Variants in FAM149B1 observed in about 807,000 individuals in gnomAD.
FAM149B1 encodes family with sequence similarity 149 member B1.
A neutral mutation model predicts 75.3 loss-of-function variants in FAM149B1; 56 were observed. The observed-to-expected ratio is 0.74, with a 90% CI of 0.60 to 0.93. FAM149B1 has a LOEUF of 0.93. Among genes scored for constraint, FAM149B1 ranks in the 40% least tolerant of loss-of-function variants. The probability of loss-of-function intolerance (pLI) is 0.00; values close to 1 mark genes in which losing one functional copy is unlikely to be tolerated. For synonymous variants in FAM149B1, 259 were observed against 256.1 expected, an observed-to-expected ratio of 1.01 and a Z score of -0.11; for missense variants, 639 against 708.4, an observed-to-expected ratio of 0.90 and a Z score of 1.11.
intron 7 of FAM149B1, among the ~76,000 whole-genome samples, chr10:73,227,814 G>A (rs2043588707): frequency 6.6e-6 from 1 of 152,206 alleles, no homozygotes; most frequent in Admixed American, 6.5e-5. Flanking sequence ...TAGGACAACT[G>A]TGCCCTAGAG....
chr10:73,204,616 A>G (rs113054309), intron 5 of FAM149B1, among the ~76,000 whole-genome samples: 7,034 of 152,138 alleles, frequency 0.046, 506 homozygotes, highest in African/African-American at 0.15. Flanking sequence ...GTCATCACAT[A>G]TTTACTGAAT....
chr10:73,232,018 C>G (rs1390801857), intron 9 of FAM149B1, among the ~76,000 whole-genome samples: 1 of 151,982 alleles, frequency 6.6e-6, no homozygotes, highest in Non-Finnish European at 1.5e-5. Flanking sequence ...GGGCAGCATC[C>G]CTTCAAAGTC....
intron 2 of FAM149B1, 93 bp from the exon 3 acceptor site, chr10:73,177,753 C>A: frequency 9.1e-7 from 1 of 1,096,918 alleles, no homozygotes; most frequent in Non-Finnish European, 1.3e-6. Context: ...ATGTTAATCA[C>A]CTAGTAAGTT....
chr10:73,187,660 T>TG (rs955284501), intron 3 of FAM149B1, among the ~76,000 whole-genome samples: 7 of 144,744 alleles, frequency 4.8e-5, no homozygotes, highest in African/African-American at 1.8e-4. Context: ...ACCCAGGAGG[T>TG]GGAGGTTGCT....
chr10:73,200,410 T>C lies in FAM149B1; in HGVS notation c.542+6817T>C, dbSNP rs1305707717. On this transcript the variant is annotated intron_variant, in intron 5 of 13. Coordinates refer to ENST00000242505, the MANE Select transcript of FAM149B1 (RefSeq NM_173348.2). The stretch of plus-strand genomic sequence containing the variant: ...GAGATTATATGGGAGCAACCTGTCA[T>C]GCCTGCATTGGTGGAACAAATGTTC... 6.6e-6 allele frequency: 4 copies of C among 603,284 alleles called. No individual in the cohort carries two copies. In the African/African-American group the frequency reaches 7.4e-5, roughly 11 times the overall value. 37.4% of individuals were successfully genotyped at this position (603,284 alleles called of 1,614,324 possible). A position where few individuals can be genotyped will look rare whatever the true frequency, so the allele number is the denominator to read the frequency against.
At chr10:73,230,738 A>C in intron 9 of FAM149B1, 1 of 457,034 alleles carries the variant, frequency 2.2e-6, no homozygotes. Flanking sequence ...AGACCTAACC[A>C]TATGTGGCAT....
chr10:73,219,967 C>G (rs2043373183), intron 7 of FAM149B1, among the ~76,000 whole-genome samples: 1 of 150,690 alleles, frequency 6.6e-6, no homozygotes, highest in South Asian at 2.1e-4. Context: ...GAAAGACAAC[C>G]TGTGAAATGG....
At position 73,168,223 on chromosome 10, in the gene FAM149B1, T is replaced by C. The variant is rs1843532718; in HGVS notation, c.-117T>C. The C allele has an allele frequency of 5.5e-6, 6 of 1,087,460 alleles. No homozygotes were observed. The highest frequency in any genetic ancestry group is 2.8e-5 in the East Asian group (1 of 36,172). 67.4% of individuals were successfully genotyped at this position (1,087,460 alleles called of 1,614,324 possible). On this transcript the variant is annotated 5_prime_UTR_variant, in exon 1 of 14. Transcript: ENST00000242505. Reference sequence around the variant, plus strand: ...AGGTGACGGGGCGAGACGGGGCCGGTAGGTGGCGGGAGGGGCCGGGCCGGA... The same window carrying C: ...AGGTGACGGGGCGAGACGGGGCCGGCAGGTGGCGGGAGGGGCCGGGCCGGA...
At chr10:73,235,612 C>T (rs993985345) in intron 12 of FAM149B1, 2 of 393,124 alleles carry the variant, frequency 5.1e-6, no homozygotes, top group Non-Finnish European at 8.5e-6. Context: ...ATAAGCATAA[C>T]TTTATTATGT....
chr10:73,240,362 T>C (rs527397767), intron 13 of FAM149B1, among the ~76,000 whole-genome samples: 3 of 152,298 alleles, frequency 2.0e-5, no homozygotes, highest in Middle Eastern at 3.4e-3. Context: ...TTGAATGCTT[T>C]TGTCAGATTA....
At chr10:73,208,255 C>T (rs1020662444) in intron 5 of FAM149B1, among the ~76,000 whole-genome samples, 1 of 152,212 alleles carries the variant, frequency 6.6e-6, no homozygotes, top group African/African-American at 2.4e-5. Flanking sequence ...GAAGCAGATG[C>T]CAGCACTATG....
chr10:73,182,890 C>T (rs974117787), intron 3 of FAM149B1, among the ~76,000 whole-genome samples: 2 of 152,198 alleles, frequency 1.3e-5, no homozygotes, highest in African/African-American at 4.8e-5. Flanking sequence ...ATTTGTTACA[C>T]TGCCAGAGTA....
rs1383020999 is a variant in FAM149B1, at chr10:73,177,895, A to T, written c.202A>T (p.Asn68Tyr). Residue 68 changes from asparagine (N) to tyrosine (Y), a missense_variant, in exon 3 of 14, where the codon AAT (asparagine) becomes TAT (tyrosine). Asn to Tyr is a moderately radical substitution (Grantham distance 143). Transcript: ENST00000242505. ...ATCTTTTACATCAGCCGACACTGGG[A>T]ATTCACTGTCTGCTTTTCCAAGTTA... is the stretch of plus-strand genomic sequence containing the variant. ...ESSFTSADTG[N>Y]SLSAFPSYTG... 4 of 1,551,754 alleles carry T rather than the reference A, an allele frequency of 2.6e-6. No individual in the cohort carries two copies. The highest frequency in any genetic ancestry group is 3.5e-6 in the Non-Finnish European group (4 of 1,146,904).
intron 1 of FAM149B1, among the ~76,000 whole-genome samples, chr10:73,173,628 G>A (rs1197128671): frequency 6.6e-6 from 1 of 152,126 alleles, no homozygotes; most frequent in Non-Finnish European, 1.5e-5. Flanking sequence ...AAACATCCAT[G>A]TTCAACTTTT....
intron 1 of FAM149B1, among the ~76,000 whole-genome samples, chr10:73,172,858 C>T (rs1339867224): frequency 6.6e-6 from 1 of 151,468 alleles, no homozygotes; most frequent in Non-Finnish European, 1.5e-5. Context: ...AATCCCAGTA[C>T]TTTGGGAGGC....
Position 73,227,665 on chromosome 10 carries a change from A to G in FAM149B1, c.899-395A>G, listed in dbSNP as rs369318107. 5.3e-5 allele frequency among the ~76,000 whole-genome samples: 8 copies of G among 152,194 alleles called. No homozygotes were observed. In the East Asian group the frequency reaches 5.8e-4, roughly 11 times the overall value. ...GAGTAGGCACCAGCCACGTTTGGCC[A>G]TAAGTTAAAATTAAATTTAAAATTC... On this transcript the variant is annotated intron_variant, in intron 7 of 13. Coordinates refer to ENST00000242505, the MANE Select transcript of FAM149B1 (RefSeq NM_173348.2).
chr10:73,239,335 A>G lies in FAM149B1; in HGVS notation c.1626A>G (p.Ser542=). 6.4e-7 allele frequency: 1 copy of G among 1,551,724 alleles called. No individual in the cohort carries two copies. Among genetic ancestry groups the G allele is most frequent in the Non-Finnish European group, 8.7e-7 (1 of 1,146,982 alleles). Residue 542 remains serine, a synonymous_variant, in exon 13 of 14, where the codon TCA becomes TCG. Coordinates refer to ENST00000242505, the MANE Select transcript of FAM149B1 (RefSeq NM_173348.2). ...SFLLDTQYRR[S]CAVEYPHQAR... is the part of the protein sequence containing the mutation. ...AGCTGGATACACAGTATCGTCGCTCATGTGCAGTTGAGTATCCTCATCAGG... is the reference window on the plus strand; with the variant it reads ...AGCTGGATACACAGTATCGTCGCTCGTGTGCAGTTGAGTATCCTCATCAGG...
chr10:73,193,558 T>G lies in FAM149B1; in HGVS notation c.507T>G (p.Tyr169Ter). 6.4e-7 allele frequency: 1 copy of G among 1,550,968 alleles called. No homozygotes were observed. The highest frequency in any genetic ancestry group is 2.0e-5 in the Admixed American group (1 of 50,992). The change falls in exon 5 of 14, where the codon TAT (tyrosine) becomes TAG (stop). Residue 169 changes from tyrosine to a stop codon, truncating the protein, a stop_gained. Coordinates refer to ENST00000242505, the MANE Select transcript of FAM149B1 (RefSeq NM_173348.2). LOFTEE classifies it high-confidence loss of function. ...CCCCTTCTGCTGTTTCCGCTTCATA[T>G]GAAACAACCTTGTCTCAAGAAAGAG... ...PRSPSAVSAS[Y>*]ETTLSQERDS...
rs529638663 is a variant in FAM149B1 at position 73,226,428 on chromosome 10, G to A, written c.899-1632G>A. Among the ~76,000 whole-genome samples the A allele has an allele frequency of 1.6e-4, 25 of 152,200 alleles. No homozygotes were observed. In the South Asian group the frequency reaches 4.8e-3, roughly 29 times the overall value. ...GCTGAGGCAGGAGAATGGCATGAAC[G>A]TGGGAGGCAGAGCTTGCAGTGAGCG... On this transcript the variant is annotated intron_variant, in intron 7 of 13. Coordinates refer to ENST00000242505, the MANE Select transcript of FAM149B1 (RefSeq NM_173348.2).
Sources: gnomAD v4.1 joint callset for allele counts (sites outside exome capture counted in the v4.1 genomes callset) on GRCh38, gnomAD v4.1.1 for gene constraint, MANE v1.5 for transcripts, NCBI Gene and HGNC (gene_info 2026-07-23, HGNC 2026-07-21) for gene names.